HMGA2: variants seen among roughly 807,000 people sequenced by gnomAD.
The protein encoded by HMGA2 is high mobility group AT-hook 2, also known as high mobility group protein HMGI-C.
Under a neutral mutation model 19.1 loss-of-function variants are expected in HMGA2, and 8 were observed. That is an observed-to-expected ratio of 0.42 (90% CI 0.25 to 0.76). HMGA2 has a LOEUF of 0.76. HMGA2 is among the 30% of genes least tolerant of loss of function. The pLI, the probability that HMGA2 is intolerant of heterozygous loss-of-function variation, is 0.28. For synonymous variants in HMGA2, 60 were observed against 48.8 expected, an observed-to-expected ratio of 1.23 and a Z score of -0.96; for missense variants, 109 against 136.3, an observed-to-expected ratio of 0.80 and a Z score of 1.00.
rs556984212 is a variant in HMGA2 at position 65,963,996 on chromosome 12, T to G, written c.*704T>G. On this transcript the variant is annotated 3_prime_UTR_variant, in exon 5 of 5. Coordinates refer to ENST00000403681, the MANE Select transcript of HMGA2 (RefSeq NM_003483.6). ...AAACAAATATTGCCAACTCTTCTAT[T>G]TATGGATATCACACATATCAGCAGG... 4.8e-6 allele frequency: 1 copy of G among 208,734 alleles called. No homozygotes were observed. Among genetic ancestry groups the G allele is most frequent in the South Asian group, 1.9e-4 (1 of 5,304 alleles). 12.9% of individuals were successfully genotyped at this position (208,734 alleles called of 1,614,324 possible). A position where few individuals can be genotyped will look rare whatever the true frequency, so the allele number is the denominator to read the frequency against.
chr12:65,913,752 C>G (rs1874947118), intron 3 of HMGA2, among the ~76,000 whole-genome samples: 2 of 152,186 alleles, frequency 1.3e-5, no homozygotes. Flanking sequence ...GTTCCCTCAT[C>G]TGTCAGGTGG....
chr12:65,902,053 A>G (rs1042693585), intron 3 of HMGA2, among the ~76,000 whole-genome samples: 1 of 152,194 alleles, frequency 6.6e-6, no homozygotes, highest in Non-Finnish European at 1.5e-5. Context: ...CTGAGAAACG[A>G]CTATGTAGCA....
chr12:65,941,880 A>G (rs1327727556), intron 3 of HMGA2, among the ~76,000 whole-genome samples: 1 of 152,224 alleles, frequency 6.6e-6, no homozygotes, highest in Non-Finnish European at 1.5e-5. Context: ...TTTAAAAATC[A>G]TATTTTTCTG....
intron 3 of HMGA2, among the ~76,000 whole-genome samples, chr12:65,947,104 G>A (rs775449972): frequency 6.6e-6 from 1 of 151,954 alleles, no homozygotes; most frequent in Non-Finnish European, 1.5e-5. Flanking sequence ...CAACTCATGG[G>A]GTCTTTGAAT....
intron 3 of HMGA2, among the ~76,000 whole-genome samples, chr12:65,917,505 T>C (rs982755066): frequency 1.3e-5 from 2 of 151,968 alleles, no homozygotes; most frequent in African/African-American, 4.8e-5. Context: ...AGGGAGGGAA[T>C]GAGGGAATGA....
chr12:65,961,146 A>G (rs1876739219), intron 4 of HMGA2, among the ~76,000 whole-genome samples: 1 of 152,232 alleles, frequency 6.6e-6, no homozygotes, highest in African/African-American at 2.4e-5. Flanking sequence ...AAGGAATAAA[A>G]TATACTTGCT....
intron 3 of HMGA2, among the ~76,000 whole-genome samples, chr12:65,843,831 T>C (rs758426190): frequency 4.6e-5 from 7 of 152,040 alleles, no homozygotes; most frequent in Non-Finnish European, 1.0e-4. Flanking sequence ...GGCAGATCAC[T>C]TGAGGCCAGG....
At chr12:65,893,876 T>C (rs1293820028) in intron 3 of HMGA2, among the ~76,000 whole-genome samples, 1 of 152,208 alleles carries the variant, frequency 6.6e-6, no homozygotes, top group Non-Finnish European at 1.5e-5. Context: ...AGCTGTTTCT[T>C]CTTGTGTTTG....
At chr12:65,898,172 G>C (rs932537858) in intron 3 of HMGA2, among the ~76,000 whole-genome samples, 2 of 152,080 alleles carry the variant, frequency 1.3e-5, no homozygotes, top group Non-Finnish European at 2.9e-5. Context: ...TCGTGATGCT[G>C]TTTAACAGCC....
intron 3 of HMGA2, among the ~76,000 whole-genome samples, chr12:65,940,444 A>C (rs1195688626): frequency 6.6e-6 from 1 of 152,160 alleles, no homozygotes; most frequent in East Asian, 1.9e-4. Flanking sequence ...CATTCTTTTG[A>C]ACTAAGATCT....
intron 3 of HMGA2, among the ~76,000 whole-genome samples, chr12:65,869,295 C>T (rs932044908): frequency 5.3e-5 from 8 of 152,100 alleles, no homozygotes; most frequent in East Asian, 1.9e-4. Context: ...CTCAGAAAGA[C>T]GACAGCAACA....
intron 3 of HMGA2, among the ~76,000 whole-genome samples, chr12:65,910,181 C>T (rs1459144158): frequency 6.6e-6 from 1 of 152,168 alleles, no homozygotes. Flanking sequence ...CTCATTTTTA[C>T]TCAGCCACAG....
At position 65,963,558 on chromosome 12, in the gene HMGA2, G is replaced by A. The variant is rs1337621223; in HGVS notation, c.*266G>A. 2 of 496,498 alleles carry A rather than the reference G, an allele frequency of 4.0e-6. No homozygotes were observed. The highest frequency in any genetic ancestry group is 2.7e-5 in the South Asian group (1 of 37,222). The allele number at this position is 496,498 out of a possible 1,614,324, so 30.8% of individuals were successfully genotyped here. On this transcript the variant is annotated 3_prime_UTR_variant, in exon 5 of 5. Transcript: ENST00000403681. ...AACACAGGGGACACAGCTTAACAAT[G>A]CAACTTTTAATTACTGTTTTCTTTT...
intron 3 of HMGA2, among the ~76,000 whole-genome samples, chr12:65,899,072 A>G (rs1172629716): frequency 2.0e-5 from 3 of 147,562 alleles, no homozygotes; most frequent in Non-Finnish European, 4.4e-5. Flanking sequence ...AAAAAAAAAA[A>G]GATGAGGAAA....
chr12:65,839,001 T>TTC, intron 3 of HMGA2, among the ~76,000 whole-genome samples: 1 of 148,522 alleles, frequency 6.7e-6, no homozygotes, highest in African/African-American at 2.6e-5. Context: ...TCTTTTTCTT[T>TTC]TTTTTTTTTG....
intron 3 of HMGA2, chr12:65,856,695 C>T (rs1218728843): frequency 1.3e-5 from 2 of 152,346 alleles, no homozygotes; most frequent in Admixed American, 1.3e-4. Context: ...CCGTGCTCTC[C>T]CTGAAGGCTC....
chr12:65,941,206 A>T (rs191026766), intron 3 of HMGA2, among the ~76,000 whole-genome samples: 2 of 152,304 alleles, frequency 1.3e-5, no homozygotes, highest in East Asian at 3.9e-4. Flanking sequence ...GGAAGACAAG[A>T]CGAATGAAGT....
At chr12:65,952,098 C>A in intron 4 of HMGA2, 1 of 373,640 alleles carries the variant, frequency 2.7e-6, no homozygotes, top group South Asian at 6.6e-5. Flanking sequence ...GAAAACAAAA[C>A]TGAAGTATAA....
intron 4 of HMGA2, chr12:65,958,119 T>C (rs1876652787): frequency 6.6e-6 from 1 of 152,240 alleles, no homozygotes; most frequent in Non-Finnish European, 1.5e-5. Flanking sequence ...AGTGCCGTGG[T>C]TGGCATCTAT....
Sources: gnomAD v4.1 joint callset for allele counts (sites outside exome capture counted in the v4.1 genomes callset) on GRCh38, gnomAD v4.1.1 for gene constraint, MANE v1.5 for transcripts, NCBI Gene and HGNC (gene_info 2026-07-23, HGNC 2026-07-21) for gene names.